UBE2K: variants seen among roughly 807,000 people sequenced by gnomAD.
The protein encoded by UBE2K is ubiquitin-conjugating enzyme E2 K.
Under a neutral mutation model 30.0 loss-of-function variants are expected in UBE2K, and 6 were observed. That is an observed-to-expected ratio of 0.20 (90% confidence interval 0.11 to 0.39). The LOEUF is 0.39. Ranked by LOEUF, UBE2K falls within the 10% of genes least tolerant of loss-of-function variation. The pLI is 1.00. For synonymous variants in UBE2K, 86 were observed against 83.7 expected (o/e 1.03, Z -0.15); for missense variants, 61 against 241.6 (o/e 0.25, Z 4.96).
chr4:39,775,384 C>T (rs1386239818), intron 5 of UBE2K, among the ~76,000 whole-genome samples: 2 of 152,190 alleles, frequency 1.3e-5, no homozygotes, highest in African/African-American at 2.4e-5. Context: ...ATTTCGCTTT[C>T]TAGCTACAGT....
At chr4:39,743,772 G>C (rs1264118870) in intron 2 of UBE2K, among the ~76,000 whole-genome samples, 1 of 152,112 alleles carries the variant, frequency 6.6e-6, no homozygotes, top group African/African-American at 2.4e-5. Flanking sequence ...TTTTGTAATA[G>C]TATTCTATGT....
chr4:39,715,057 A>C (rs1578426200), intron 1 of UBE2K, among the ~76,000 whole-genome samples: 3 of 132,928 alleles, frequency 2.3e-5, no homozygotes, highest in Non-Finnish European at 3.2e-5. Context: ...ACGGAGTCTC[A>C]CTCTGTCACC....
At chr4:39,745,838 A>T (rs1307601551) in intron 3 of UBE2K, 28 bp downstream of exon 3, 1 of 1,512,888 alleles carries the variant, frequency 6.6e-7, no homozygotes, top group South Asian at 1.2e-5. Flanking sequence ...TTGTGCATGA[A>T]GTTACAAAAT....
chr4:39,722,240 C>G (rs1719464700), intron 1 of UBE2K, among the ~76,000 whole-genome samples: 1 of 152,032 alleles, frequency 6.6e-6, no homozygotes, highest in Non-Finnish European at 1.5e-5. Context: ...TTTCTCATCT[C>G]ATTAATACTG....
At chr4:39,723,243 A>G (rs1719526687) in intron 1 of UBE2K, among the ~76,000 whole-genome samples, 1 of 147,656 alleles carries the variant, frequency 6.8e-6, no homozygotes, top group South Asian at 2.1e-4. Context: ...ACAGGATTTC[A>G]CTATATTGCC....
chr4:39,757,558 A>G (rs1711574107), intron 4 of UBE2K, among the ~76,000 whole-genome samples: 1 of 151,996 alleles, frequency 6.6e-6, no homozygotes, highest in African/African-American at 2.4e-5. Context: ...TCTGTATTTC[A>G]ATATATTCTA....
At chr4:39,706,187 A>AT (rs910234044) in intron 1 of UBE2K, among the ~76,000 whole-genome samples, 115 of 148,140 alleles carry the variant, frequency 7.8e-4, no homozygotes, top group Middle Eastern at 3.5e-3. Flanking sequence ...AATTTTTTGT[A>AT]TTTTTTTTTT....
chr4:39,723,363 T>TG, intron 1 of UBE2K, among the ~76,000 whole-genome samples: 1 of 14,290 alleles, frequency 7.0e-5, no homozygotes, highest in Non-Finnish European at 1.2e-4. Context: ...CTGTCTTCTC[T>TG]TTTTTTTTTT....
At chr4:39,728,818 GTTTTTTTTGTTTTT>G (rs1719901481) in intron 1 of UBE2K, among the ~76,000 whole-genome samples, 1 of 129,908 alleles carries the variant, frequency 7.7e-6, no homozygotes, top group Non-Finnish European at 1.8e-5. Context: ...GGTTTTTTTT[GTTTTTTTTGTTTTT>G]TTTTTTTTGT....
intron 5 of UBE2K, among the ~76,000 whole-genome samples, chr4:39,775,814 A>T (rs951959637): frequency 7.2e-5 from 11 of 151,838 alleles, no homozygotes; most frequent in African/African-American, 1.9e-4. Flanking sequence ...TTTTTTTTTT[A>T]AACTTAGAAA....
intron 1 of UBE2K, chr4:39,709,956 G>A (rs1718579128): frequency 6.6e-6 from 1 of 152,008 alleles, no homozygotes; most frequent in African/African-American, 2.4e-5. Flanking sequence ...CCCTTTTTCA[G>A]TGGGCTTTGG....
In UBE2K at chr4:39,710,937, A is replaced by C. The variant is rs536582486; in HGVS notation, c.63+12547A>C. On this transcript the variant is annotated intron_variant, in intron 1 of 6. Transcript: ENST00000261427. ...TCTACCCAAATACTGTAAAACATAGAGGTAAAGCTCACTGGATAACTTTTT... is the reference window on the plus strand; with the variant it reads ...TCTACCCAAATACTGTAAAACATAGCGGTAAAGCTCACTGGATAACTTTTT... Among the ~76,000 whole-genome samples the C allele has an allele frequency of 5.9e-5, 9 of 152,118 alleles. 2 individuals carry two copies. The South Asian group carries it at 1.9e-3, about 32-fold the overall frequency.
intron 1 of UBE2K, among the ~76,000 whole-genome samples, chr4:39,716,912 C>G (rs1719097655): frequency 1.3e-5 from 2 of 148,718 alleles, no homozygotes; most frequent in Non-Finnish European, 1.5e-5. Context: ...ACAGGAGAAT[C>G]ACTTGAACCC....
intron 1 of UBE2K, among the ~76,000 whole-genome samples, chr4:39,714,886 C>T (rs763181105): frequency 1.3e-4 from 19 of 151,424 alleles, no homozygotes; most frequent in Non-Finnish European, 2.5e-4. Context: ...CTCACTCACA[C>T]GCTTACCCAG....
At chr4:39,761,886 C>T (rs1394017506) in intron 4 of UBE2K, among the ~76,000 whole-genome samples, 2 of 151,364 alleles carry the variant, frequency 1.3e-5, no homozygotes, top group Admixed American at 6.6e-5. Context: ...AGTTTTAGGC[C>T]GGTTGCTGGC....
At chr4:39,766,799 G>T (rs1192448880) in intron 4 of UBE2K, among the ~76,000 whole-genome samples, 1 of 151,968 alleles carries the variant, frequency 6.6e-6, no homozygotes, top group African/African-American at 2.4e-5. Flanking sequence ...GCCCAGGCTG[G>T]ATTGCAGTGA....
chr4:39,720,739 T>C (rs955384291), intron 1 of UBE2K, among the ~76,000 whole-genome samples: 1 of 152,186 alleles, frequency 6.6e-6, no homozygotes. Context: ...TTTTTTTCTA[T>C]GTATATATGT....
At chr4:39,737,308 A>G (rs1578457064) in intron 1 of UBE2K, 112 bp from the exon 2 acceptor site, 1 of 539,492 alleles carries the variant, frequency 1.9e-6, no homozygotes, top group Non-Finnish European at 3.2e-6. Context: ...TTATTTTACT[A>G]GAGCAGATAA....
At chr4:39,698,509 C>T in intron 1 of UBE2K, 119 bp downstream of exon 1, 2 of 893,624 alleles carry the variant, frequency 2.2e-6, no homozygotes, top group Middle Eastern at 2.2e-4. Flanking sequence ...GCCCTTCTGC[C>T]TGTGAGGAAG....
Sources: gnomAD v4.1 joint callset for allele counts (sites outside exome capture counted in the v4.1 genomes callset) on GRCh38, gnomAD v4.1.1 for gene constraint, MANE v1.5 for transcripts, NCBI Gene and HGNC (gene_info 2026-07-23, HGNC 2026-07-21) for gene names.